SRRM2: variants seen among roughly 807,000 people sequenced by gnomAD.
SRRM2 encodes the protein serine/arginine repetitive matrix 2.
Under a neutral mutation model 213.8 loss-of-function variants are expected in SRRM2, and 30 were observed. The observed-to-expected ratio is 0.14, with a 90% CI of 0.10 to 0.19. The LOEUF is 0.19. Ranked by LOEUF, SRRM2 falls within the 10% of genes least tolerant of loss-of-function variation. SRRM2 has a pLI of 1.00. For synonymous variants in SRRM2, 2,025 were observed against 1,377.7 expected, an observed-to-expected ratio of 1.47 and a Z score of -10.40; for missense variants, 4,904 against 3,647.0, an observed-to-expected ratio of 1.34 and a Z score of -8.88.
intron 6 of SRRM2, 27 bp from the exon 7 acceptor site, chr16:2,759,113 T>C (rs199955975): frequency 8.7e-6 from 14 of 1,614,060 alleles, no homozygotes; most frequent in East Asian, 2.2e-5. Flanking sequence ...GTGTTTCTTA[T>C]GTTTTTTCTT....
In SRRM2 at chr16:2,762,716, C is replaced by T. The variant is rs774968619; in HGVS notation, c.2188C>T (p.Arg730Trp). 34 of 1,614,014 alleles carry T rather than the reference C, an allele frequency of 2.1e-5. No individual in the cohort carries two copies. Among genetic ancestry groups the T allele is most frequent in the South Asian group, 6.6e-5 (6 of 91,082 alleles). ...RRGRSGSSSE[R>W]KNKSRTSQRR... ...AGGCAGATCTGGCTCATCTTCAGAG[C>T]GGAAAAACAAATCCAGAACATCTCA... Residue 730 changes from arginine (R) to tryptophan (W), a missense_variant, in exon 11 of 15, where the codon CGG becomes TGG. Coordinates refer to ENST00000301740, the MANE Select transcript of SRRM2 (RefSeq NM_016333.4).
At chr16:2,755,304 G>A (rs1348338556) in intron 1 of SRRM2, among the ~76,000 whole-genome samples, 1 of 152,178 alleles carries the variant, frequency 6.6e-6, no homozygotes, top group South Asian at 2.1e-4. Flanking sequence ...CAGGAGAGAA[G>A]GAAGAGGCAG....
In SRRM2 at chr16:2,762,213, C is replaced by G; in HGVS notation, c.1685C>G (p.Ser562Cys). Residue 562 changes from serine to cysteine, a missense_variant, in exon 11 of 15, where the codon TCC becomes TGC. Coordinates refer to ENST00000301740, the MANE Select transcript of SRRM2 (RefSeq NM_016333.4). ...GRSRSARRGRSHSRSPATRGR... is the reference protein window; with the variant it reads ...GRSRSARRGRCHSRSPATRGR... ...TCTAGGTCAGCAAGGCGAGGGAGGT[C>G]CCACTCTAGATCCCCAGCCACTAGG... 8.1e-6 allele frequency: 13 copies of G among 1,614,042 alleles called. No individual in the cohort carries two copies. The highest frequency in any genetic ancestry group is 1.1e-5 in the Non-Finnish European group (13 of 1,179,990).
chr16:2,769,371 G>T, intron 12 of SRRM2, 87 bp downstream of exon 12: 1 of 1,438,872 alleles, frequency 6.9e-7, no homozygotes, highest in Non-Finnish European at 9.3e-7. Context: ...TCCCCGCTGG[G>T]TGTCTCACGT....
Position 2,763,764 on chromosome 16 carries a change from G to A in SRRM2, c.3236G>A (p.Ser1079Asn). The change falls in exon 11 of 15, where the codon AGT becomes AAT. Residue 1079 changes from serine (S) to asparagine (N), a missense_variant. Ser to Asn is a conservative substitution (Grantham distance 46). Coordinates refer to ENST00000301740, the MANE Select transcript of SRRM2 (RefSeq NM_016333.4). ...SDTSSPEVRQ[S>N]HSESPSLQSK... ...ACTTCAAGTCCAGAAGTGAGACAGA[G>A]TCATTCAGAATCACCATCTCTGCAG... 6.2e-7 allele frequency: 1 copy of A among 1,614,174 alleles called. No homozygotes were observed. The highest frequency in any genetic ancestry group is 1.1e-5 in the South Asian group (1 of 91,090).
chr16:2,758,593 G>A (rs1596266919), intron 5 of SRRM2, 46 bp downstream of exon 5: 1 of 1,546,314 alleles, frequency 6.5e-7, no homozygotes, highest in East Asian at 2.2e-5. Context: ...GACCAATCCT[G>A]TGGTGTACCT....
At position 2,766,210 on chromosome 16, in the gene SRRM2, A is replaced by G. The variant is rs755255855; in HGVS notation, c.5682A>G (p.Pro1894=). Residue 1894 remains proline, a synonymous_variant, in exon 11 of 15, where the codon CCA becomes CCG. Coordinates refer to ENST00000301740, the MANE Select transcript of SRRM2 (RefSeq NM_016333.4). The surrounding 1 kb of genome is among the most constrained non-coding windows in gnomAD (Gnocchi z 7.0). The part of the protein sequence containing the change: ...SRRRSRSRTS[P]VSRRRSRSRT... Reference sequence around the variant, plus strand: ...GTAGGTCCAGATCTCGAACTTCACCAGTCAGCCGGAGACGGTCAAGGTCCA... The same window carrying G: ...GTAGGTCCAGATCTCGAACTTCACCGGTCAGCCGGAGACGGTCAAGGTCCA... 1.2e-5 allele frequency: 20 copies of G among 1,614,082 alleles called. No homozygotes were observed. The highest frequency in any genetic ancestry group is 1.7e-5 in the Admixed American group (1 of 60,004).
Position 2,759,054 on chromosome 16 carries a change from G to A in SRRM2, c.656+7G>A. ...CAAAGAAGAAGAAGCACAGGTATGA[G>A]GTGGGAATACTTGAATGACTGGAGA... On this transcript the variant is annotated splice_region_variant and intron_variant, in intron 6 of 14. Transcript: ENST00000301740. The A allele has an allele frequency of 1.9e-6, 3 of 1,614,232 alleles. No individual in the cohort carries two copies. The highest frequency in any genetic ancestry group is 2.5e-6 in the Non-Finnish European group (3 of 1,180,048).
At chr16:2,760,608 T>G (rs946562189) in intron 10 of SRRM2, 109 bp downstream of exon 10, 65 of 1,296,898 alleles carry the variant, frequency 5.0e-5, no homozygotes, top group South Asian at 1.3e-4. Context: ...ATAAATTCAG[T>G]TTTTTTTCCT....
chr16:2,766,025 ACCT>A lies in SRRM2; in HGVS notation c.5502_5504del (p.Ser1835del), dbSNP rs2068529582. ...ACCTGCCCGGCAGGAAAGTTCCCGG[ACCT>A]CCTCTCGACGCCGAAGAGGCCGCTC... On this transcript the variant is annotated inframe_deletion, in exon 11 of 15. Coordinates refer to ENST00000301740, the MANE Select transcript of SRRM2 (RefSeq NM_016333.4). This position sits in a 1 kb window ranked among gnomAD's most constrained non-coding sequence, Gnocchi z 7.0. 6 of 1,613,594 alleles carry A rather than the reference ACCT, an allele frequency of 3.7e-6. No homozygotes were observed. The highest frequency in any genetic ancestry group is 5.1e-6 in the Non-Finnish European group (6 of 1,179,902).
Position 2,760,285 on chromosome 16 carries a change from C to T in SRRM2, c.834-16C>T, listed in dbSNP as rs764423778. Reference sequence around the variant, plus strand: ...TGATTTCCTTCCTCTCCCACGTCCTCAATTAACTCCTGCAGGTCTCGAAGT... The same window carrying T: ...TGATTTCCTTCCTCTCCCACGTCCTTAATTAACTCCTGCAGGTCTCGAAGT... On this transcript the variant is annotated splice_polypyrimidine_tract_variant and intron_variant, in intron 9 of 14. Transcript: ENST00000301740. 6 of 1,610,238 alleles carry T rather than the reference C, an allele frequency of 3.7e-6. No individual in the cohort carries two copies. The highest frequency in any genetic ancestry group is 3.3e-5 in the South Asian group (3 of 90,744).
At chr16:2,756,099 C>T (rs2068130824) in intron 1 of SRRM2, among the ~76,000 whole-genome samples, 2 of 152,166 alleles carry the variant, frequency 1.3e-5, no homozygotes, top group African/African-American at 2.4e-5. Context: ...TGTGCAAGGG[C>T]ATTGAGAGAA....
Position 2,767,352 on chromosome 16 carries a change from C to G in SRRM2, c.6824C>G (p.Thr2275Arg). The G allele has an allele frequency of 6.2e-7, 1 of 1,613,896 alleles. No individual in the cohort carries two copies. Among genetic ancestry groups the G allele is most frequent in the Non-Finnish European group, 8.5e-7 (1 of 1,180,040 alleles). ...AAAMNLASPR[T>R]AVAPSAVNLA... ...GCCATGAACTTGGCCAGCCCCAGAA[C>G]AGCGGTGGCACCTTCGGCTGTGAAC... is the stretch of plus-strand genomic sequence containing the variant. The change falls in exon 11 of 15, where the codon ACA (threonine) becomes AGA (arginine). Residue 2275 changes from threonine (T) to arginine (R), a missense_variant. Transcript: ENST00000301740.
chr16:2,758,123 C>G (rs2068213052), intron 4 of SRRM2, among the ~76,000 whole-genome samples, 178 bp downstream of exon 4: 2 of 152,092 alleles, frequency 1.3e-5, no homozygotes, highest in Non-Finnish European at 2.9e-5. Flanking sequence ...GCGCGTAATC[C>G]CAGCATTTTG....
rs773276736 is a variant in SRRM2 at position 2,762,415 on chromosome 16, A to G, written c.1887A>G (p.Ser629=). Residue 629 remains serine, a synonymous_variant, in exon 11 of 15, where the codon TCA becomes TCG. Coordinates refer to ENST00000301740, the MANE Select transcript of SRRM2 (RefSeq NM_016333.4). ...CTAGGCGCAGATCTAGGACCCGATCACCAGTACGACGCAGGTCTCGTAGTA... is the reference window on the plus strand; with the variant it reads ...CTAGGCGCAGATCTAGGACCCGATCGCCAGTACGACGCAGGTCTCGTAGTA... ...TPARRRSRTR[S]PVRRRSRSRS... 7.4e-6 allele frequency: 12 copies of G among 1,613,950 alleles called. No homozygotes were observed. The African/African-American group carries it at 1.5e-4, about 20-fold the overall frequency.
rs753519396 is a variant in SRRM2, at chr16:2,759,563, C to T, written c.741-6C>T. 2.5e-6 allele frequency: 4 copies of T among 1,613,990 alleles called. No individual in the cohort carries two copies. The highest frequency in any genetic ancestry group is 3.3e-5 in the Admixed American group (2 of 60,006). The stretch of plus-strand genomic sequence containing the variant: ...ACCCTGAGCTGTGGTGGTGGTCTTC[C>T]TTCAGGTCTCGAAGTACAACACCAG... On this transcript the variant is annotated splice_polypyrimidine_tract_variant and splice_region_variant and intron_variant, in intron 8 of 14. Coordinates refer to ENST00000301740, the MANE Select transcript of SRRM2 (RefSeq NM_016333.4).
rs2150775268 is a variant in SRRM2, at chr16:2,761,865, C to A, written c.1337C>A (p.Ala446Asp). 6.2e-7 allele frequency: 1 copy of A among 1,610,846 alleles called. No homozygotes were observed. The highest frequency in any genetic ancestry group is 8.5e-7 in the Non-Finnish European group (1 of 1,179,520). Residue 446 changes from alanine to aspartate, a missense_variant, in exon 11 of 15, where the codon GCT (alanine) becomes GAT (aspartate). Physicochemically the swap from Ala to Asp is moderately radical, Grantham distance 126. Coordinates refer to ENST00000301740, the MANE Select transcript of SRRM2 (RefSeq NM_016333.4). ...CCAGAAAGTCCTAAACCTGCTCCAG[C>A]TCCAGGGTCCCACCGAGAGATTTCT... ...SSPESPKPAPAPGSHREISSS... is the reference protein window; with the variant it reads ...SSPESPKPAPDPGSHREISSS...
intron 11 of SRRM2, chr16:2,768,669 C>A: frequency 1.5e-6 from 1 of 652,442 alleles, no homozygotes; most frequent in East Asian, 3.1e-5. Context: ...CTCACAGGGG[C>A]CTCCCCAAGC....
Position 2,769,149 on chromosome 16 carries a change from C to G in SRRM2, c.7886C>G (p.Ser2629Cys). 6.2e-7 allele frequency: 1 copy of G among 1,612,574 alleles called. No individual in the cohort carries two copies. The highest frequency in any genetic ancestry group is 8.5e-7 in the Non-Finnish European group (1 of 1,178,730). The change falls in exon 12 of 15, where the codon TCC (serine) becomes TGC (cysteine). Residue 2629 changes from serine (S) to cysteine (C), a missense_variant. Transcript: ENST00000301740. ...TCCTCCTCCTCCTCCTCTTCTTCCTCCTCCTCTTCCTCTTCTTCTTCTTCC... is the reference window on the plus strand; with the variant it reads ...TCCTCCTCCTCCTCCTCTTCTTCCTGCTCCTCTTCCTCTTCTTCTTCTTCC... ...SSSSSSSSSSSSSSSSSSSSS... is the reference protein window; with the variant it reads ...SSSSSSSSSSCSSSSSSSSSS...
Sources: allele counts gnomAD v4.1 joint callset (sites outside exome capture counted in the v4.1 genomes callset), GRCh38; gene constraint gnomAD v4.1.1; non-coding constraint Gnocchi (gnomAD v3.1); transcripts MANE v1.5; gene names NCBI Gene and HGNC (gene_info 2026-07-23, HGNC 2026-07-21).